Variants in CHRM3 observed in about 807,000 individuals in gnomAD.
CHRM3 encodes muscarinic acetylcholine receptor M3.
A neutral mutation model predicts 41.8 loss-of-function variants in CHRM3; 11 were observed. The ratio of observed to expected loss-of-function variants is 0.26; its 90% confidence interval spans 0.17 to 0.44. The LOEUF is 0.44. Ranked by LOEUF, CHRM3 falls within the 20% of genes least tolerant of loss-of-function variation. CHRM3 has a pLI of 1.00. For missense variants in CHRM3, 571 were observed against 745.4 expected (o/e 0.77, Z 2.72); for synonymous variants, 297 against 301.4 (o/e 0.99, Z 0.15).
chr1:239,908,996 C>G lies in CHRM3; in HGVS notation c.1545C>G (p.Thr515=). The change falls in exon 7 of 7, where the codon ACC becomes ACG. Residue 515 remains threonine (T), a synonymous_variant. Coordinates refer to ENST00000676153, the MANE Select transcript of CHRM3 (RefSeq NM_001375978.1). The surrounding 1 kb of genome is among the most constrained non-coding windows in gnomAD (Gnocchi z 7.2). ...ACAACATCATGGTTCTGGTGAACAC[C>G]TTTTGTGACAGCTGCATACCCAAAA... is the stretch of plus-strand genomic sequence containing the variant. ...TPYNIMVLVN[T]FCDSCIPKTF... 3.7e-6 allele frequency: 6 copies of G among 1,614,148 alleles called. No individual in the cohort carries two copies. Among genetic ancestry groups the G allele is most frequent in the Non-Finnish European group, 5.1e-6 (6 of 1,180,042 alleles).
At chr1:239,622,968 G>C (rs916846441) in intron 3 of CHRM3, among the ~76,000 whole-genome samples, 1 of 151,590 alleles carries the variant, frequency 6.6e-6, no homozygotes, top group South Asian at 2.1e-4. Context: ...TTTCTTATTT[G>C]AAAAAATTGC....
intron 6 of CHRM3, among the ~76,000 whole-genome samples, chr1:239,832,149 A>T (rs1350267549): frequency 6.6e-6 from 1 of 152,196 alleles, no homozygotes; most frequent in Non-Finnish European, 1.5e-5. Context: ...GTGAGCCTGC[A>T]CTGTCCCTCC....
At chr1:239,683,151 A>T (rs1353197434) in intron 5 of CHRM3, among the ~76,000 whole-genome samples, 1 of 152,166 alleles carries the variant, frequency 6.6e-6, no homozygotes, top group Non-Finnish European at 1.5e-5. Context: ...ATTATTTTGG[A>T]ACAAAAGATG....
At chr1:239,758,652 C>T (rs73122576) in intron 5 of CHRM3, among the ~76,000 whole-genome samples, 9,479 of 152,178 alleles carry the variant, frequency 0.062, 728 homozygotes, top group African/African-American at 0.17. Flanking sequence ...GCTTGTTTAT[C>T]AAAAGCAGTT....
At chr1:239,394,196 T>G (rs2102934104) in intron 1 of CHRM3, among the ~76,000 whole-genome samples, 1 of 152,296 alleles carries the variant, frequency 6.6e-6, no homozygotes, top group Non-Finnish European at 1.5e-5. Flanking sequence ...CTTTCACAAT[T>G]CTGGAAGCCA....
chr1:239,872,388 C>G (rs967444288), intron 6 of CHRM3, among the ~76,000 whole-genome samples: 8 of 152,086 alleles, frequency 5.3e-5, no homozygotes, highest in African/African-American at 1.9e-4. Flanking sequence ...GCAATTATAC[C>G]CAACAGACCT....
chr1:239,876,920 A>G (rs1677153963), intron 6 of CHRM3, among the ~76,000 whole-genome samples: 1 of 152,202 alleles, frequency 6.6e-6, no homozygotes, highest in African/African-American at 2.4e-5. Context: ...CTTATTGAAC[A>G]ACTCTCAGGA....
chr1:239,554,296 A>T (rs1660136641), intron 3 of CHRM3, among the ~76,000 whole-genome samples: 1 of 152,310 alleles, frequency 6.6e-6, no homozygotes, highest in African/African-American at 2.4e-5. Flanking sequence ...GAATTCGAGT[A>T]TTCTATTTAT....
chr1:239,789,425 C>G (rs1042829903), intron 5 of CHRM3, among the ~76,000 whole-genome samples: 2 of 152,130 alleles, frequency 1.3e-5, no homozygotes, highest in Non-Finnish European at 2.9e-5. Flanking sequence ...GCTATAAAGG[C>G]GTGCCTGAGA....
At chr1:239,825,408 C>T (rs530428116) in intron 5 of CHRM3, among the ~76,000 whole-genome samples, 13 of 152,250 alleles carry the variant, frequency 8.5e-5, no homozygotes, top group Middle Eastern at 3.4e-3. Context: ...TTGAAAGTGC[C>T]GCTCAACAAT....
At chr1:239,880,337 A>C (rs2102866218) in intron 6 of CHRM3, among the ~76,000 whole-genome samples, 1 of 152,364 alleles carries the variant, frequency 6.6e-6, no homozygotes, top group South Asian at 2.1e-4. Context: ...CGCTGGTCTC[A>C]GCTGGCTTGA....
intron 1 of CHRM3, among the ~76,000 whole-genome samples, chr1:239,490,478 CTGTTA>C (rs1393378109): frequency 6.6e-6 from 1 of 152,130 alleles, no homozygotes; most frequent in Non-Finnish European, 1.5e-5. Context: ...GAAATAAGGA[CTGTTA>C]CACTTGCAGT....
chr1:239,889,582 G>C (rs141199382), intron 6 of CHRM3, among the ~76,000 whole-genome samples: 2 of 152,098 alleles, frequency 1.3e-5, no homozygotes, highest in Non-Finnish European at 2.9e-5. Flanking sequence ...GCCGCTTTTT[G>C]TTGAAAGGGA....
intron 6 of CHRM3, among the ~76,000 whole-genome samples, chr1:239,889,173 G>A (rs1005534663): frequency 6.6e-6 from 1 of 152,124 alleles, no homozygotes; most frequent in Non-Finnish European, 1.5e-5. Context: ...AATGCAGGGG[G>A]GTTTATAGAT....
intron 5 of CHRM3, among the ~76,000 whole-genome samples, chr1:239,702,183 A>T (rs112271155): frequency 0.013 from 1,954 of 152,134 alleles, 53 homozygotes; most frequent in African/African-American, 0.045. Flanking sequence ...TTTACCTTTT[A>T]AAGGAAGGTA....
At chr1:239,525,101 AC>A (rs1477013260) in intron 2 of CHRM3, among the ~76,000 whole-genome samples, 6 of 152,150 alleles carry the variant, frequency 3.9e-5, no homozygotes, top group Non-Finnish European at 7.3e-5. Context: ...AGTGGTTCAC[AC>A]CTGTAATCTC....
intron 3 of CHRM3, among the ~76,000 whole-genome samples, chr1:239,580,704 T>TATATATATATATATACACAC (rs570878631): frequency 3.1e-5 from 4 of 131,072 alleles, no homozygotes; most frequent in African/African-American, 1.1e-4. Context: ...TATATATATA[T>TATATATATATATATACACAC]ACACACACAC....
At chr1:239,398,380 C>T (rs1659678342) in intron 1 of CHRM3, among the ~76,000 whole-genome samples, 1 of 152,018 alleles carries the variant, frequency 6.6e-6, no homozygotes, top group South Asian at 2.1e-4. Flanking sequence ...GGATTACAGG[C>T]GTGTGCCACC....
At chr1:239,593,692 A>G (rs972040131) in intron 3 of CHRM3, among the ~76,000 whole-genome samples, 1 of 152,184 alleles carries the variant, frequency 6.6e-6, no homozygotes, top group African/African-American at 2.4e-5. Context: ...TAAACAAAAT[A>G]TCCACTGATA....
Sources: gnomAD v4.1 joint callset for allele counts (sites outside exome capture counted in the v4.1 genomes callset) on GRCh38, gnomAD v4.1.1 for gene constraint, Gnocchi (gnomAD v3.1) non-coding constraint, MANE v1.5 for transcripts, NCBI Gene and HGNC (gene_info 2026-07-23, HGNC 2026-07-21) for gene names.